Variants in RGS7 observed in about 807,000 individuals in gnomAD.
RGS7 encodes the protein regulator of G-protein signaling 7.
Under a neutral mutation model 81.1 loss-of-function variants are expected in RGS7, and 27 were observed. That is an observed-to-expected ratio of 0.33 (90% CI 0.25 to 0.46). The LOEUF (loss-of-function observed/expected upper bound fraction) is 0.46. Ranked by LOEUF, RGS7 falls within the 20% of genes least tolerant of loss-of-function variation. The pLI is 1.00. For missense variants in RGS7, 396 were observed against 607.4 expected (o/e 0.65, Z 3.66); for synonymous variants, 208 against 207.7 (o/e 1.00, Z -0.01).
chr1:241,346,845 T>C (rs931791025), intron 2 of RGS7, among the ~76,000 whole-genome samples: 1 of 152,130 alleles, frequency 6.6e-6, no homozygotes, highest in African/African-American at 2.4e-5. Flanking sequence ...ATACCAAATA[T>C]AAAATTTAGA....
intron 6 of RGS7, among the ~76,000 whole-genome samples, chr1:240,908,627 A>G (rs1316524929): frequency 6.6e-6 from 1 of 152,200 alleles, no homozygotes; most frequent in Non-Finnish European, 1.5e-5. Context: ...CCTAAGATAG[A>G]AGGCAACCCA....
chr1:240,974,677 A>G (rs1683790629), intron 4 of RGS7, among the ~76,000 whole-genome samples: 1 of 152,252 alleles, frequency 6.6e-6, no homozygotes, highest in Non-Finnish European at 1.5e-5. Context: ...AGAAAAGCCA[A>G]TGGGGGCTGA....
At chr1:240,980,036 T>C (rs966257142) in intron 4 of RGS7, among the ~76,000 whole-genome samples, 3 of 152,172 alleles carry the variant, frequency 2.0e-5, no homozygotes, top group Non-Finnish European at 2.9e-5. Context: ...ATTCCATATA[T>C]GTGTATTATA....
chr1:241,337,481 G>C lies in RGS7; in HGVS notation c.78+18218C>G, dbSNP rs550160588. ...CCTGCACAATTTTTCTTAGCATACT[G>C]TATGTTGTGCCACCAAGACACAGCA... On this transcript the variant is annotated intron_variant, in intron 2 of 18. Transcript: ENST00000440928. 3.9e-5 allele frequency among the ~76,000 whole-genome samples: 6 copies of C among 152,146 alleles called. No homozygotes were observed. In the South Asian group the frequency reaches 6.2e-4, roughly 16 times the overall value.
chr1:241,260,456 C>T (rs553088681), intron 2 of RGS7, among the ~76,000 whole-genome samples: 2 of 152,290 alleles, frequency 1.3e-5, no homozygotes, highest in African/African-American at 2.4e-5. Context: ...CAAACTGGCA[C>T]ACCTGCTTTA....
intron 2 of RGS7, among the ~76,000 whole-genome samples, chr1:241,297,959 G>A (rs577360541): frequency 2.6e-5 from 4 of 152,242 alleles, no homozygotes; most frequent in Admixed American, 6.5e-5. Flanking sequence ...CCACTAGATC[G>A]AAACTAAATA....
At chr1:241,292,472 T>C (rs772883366) in intron 2 of RGS7, among the ~76,000 whole-genome samples, 43 of 152,326 alleles carry the variant, frequency 2.8e-4, no homozygotes, top group Admixed American at 1.3e-3. Flanking sequence ...TGTAGTGTAG[T>C]GGGCTTTGGA....
intron 9 of RGS7, among the ~76,000 whole-genome samples, chr1:240,833,624 T>C (rs971489498): frequency 6.6e-6 from 1 of 152,128 alleles, no homozygotes; most frequent in African/African-American, 2.4e-5. Context: ...TTAATTCAAA[T>C]AGAAGTAAAT....
chr1:241,139,389 A>ACCAGTTG (rs1249448485), intron 2 of RGS7, among the ~76,000 whole-genome samples: 4 of 151,872 alleles, frequency 2.6e-5, no homozygotes, highest in African/African-American at 9.7e-5. Context: ...TTATCCATTT[A>ACCAGTTG]CCAGTTGTGA....
chr1:241,268,285 C>A (rs1438973677), intron 2 of RGS7, among the ~76,000 whole-genome samples: 2 of 152,200 alleles, frequency 1.3e-5, no homozygotes, highest in East Asian at 3.9e-4. Flanking sequence ...TGCATTCAGC[C>A]CTGTCTGTCT....
intron 3 of RGS7, among the ~76,000 whole-genome samples, chr1:241,008,893 C>T (rs868388747): frequency 1.9e-5 from 2 of 104,460 alleles, no homozygotes; most frequent in African/African-American, 7.4e-5. Flanking sequence ...GCCTGGGCAA[C>T]AGAGCAAGAC....
chr1:241,270,430 C>T (rs1358671754), intron 2 of RGS7, among the ~76,000 whole-genome samples: 2 of 152,204 alleles, frequency 1.3e-5, no homozygotes, highest in Non-Finnish European at 2.9e-5. Flanking sequence ...CATTTTGTTC[C>T]TTGCATTGCA....
Position 240,868,669 on chromosome 1 carries a change from C to G in RGS7, c.528-1G>C. The G allele has an allele frequency of 6.2e-7, 1 of 1,614,010 alleles. No individual in the cohort carries two copies. The highest frequency in any genetic ancestry group is 8.5e-7 in the Non-Finnish European group (1 of 1,179,894). Reference sequence around the variant, plus strand: ...AATCTTGTCTCTCTTCTTGTCCACTCTGTCAACACAGTAACAATAGATAAC... The same window carrying G: ...AATCTTGTCTCTCTTCTTGTCCACTGTGTCAACACAGTAACAATAGATAAC... On this transcript the variant is annotated splice_acceptor_variant, in intron 8 of 18. Coordinates refer to ENST00000440928, the MANE Select transcript of RGS7 (RefSeq NM_001364886.1). LOFTEE classifies it high-confidence loss of function. This position sits in a 1 kb window ranked among gnomAD's most constrained non-coding sequence, Gnocchi z 5.1.
rs114368546 is a variant in RGS7, at chr1:240,848,198, A to T, written c.609+20389T>A. 3.1e-3 allele frequency among the ~76,000 whole-genome samples: 471 copies of T among 152,288 alleles called. 2 individuals are homozygous for T. The highest frequency in any genetic ancestry group is 9.7e-3 in the African/African-American group (403 of 41,564). On this transcript the variant is annotated intron_variant, in intron 9 of 18. Coordinates refer to ENST00000440928, the MANE Select transcript of RGS7 (RefSeq NM_001364886.1). The stretch of plus-strand genomic sequence containing the variant: ...AATGGAGAAAGAGATAGGTGAATGG[A>T]GCTGCCTTCTAGTAAGCTTATGATT...
Position 241,355,791 on chromosome 1 carries a change from G to C in RGS7, c.-15C>G. On this transcript the variant is annotated 5_prime_UTR_variant, in exon 2 of 19. Coordinates refer to ENST00000440928, the MANE Select transcript of RGS7 (RefSeq NM_001364886.1). ...CCCTGGGCCATGTCACCCAAAACTT[G>C]GTCCACTCTCAAGATACAAGAATTA... 1 of 1,612,460 alleles carries C rather than the reference G, an allele frequency of 6.2e-7. No individual in the cohort carries two copies. The highest frequency in any genetic ancestry group is 8.5e-7 in the Non-Finnish European group (1 of 1,178,582).
intron 3 of RGS7, among the ~76,000 whole-genome samples, chr1:241,028,938 G>C (rs139018553): frequency 2.1e-3 from 322 of 152,242 alleles, no homozygotes; most frequent in African/African-American, 7.6e-3. Context: ...AAAAGATACT[G>C]TGTTCCTATT....
At chr1:241,356,669 G>A (rs758379651) in intron 1 of RGS7, among the ~76,000 whole-genome samples, 1 of 151,844 alleles carries the variant, frequency 6.6e-6, no homozygotes, top group East Asian at 1.9e-4. Flanking sequence ...AATGGCAGGC[G>A]AGCCTGTGCC....
intron 2 of RGS7, among the ~76,000 whole-genome samples, chr1:241,244,542 G>C (rs1158664971): frequency 6.6e-6 from 1 of 152,190 alleles, no homozygotes; most frequent in East Asian, 1.9e-4. Context: ...GTGGAAGTCA[G>C]TGTGGCGATT....
intron 4 of RGS7, among the ~76,000 whole-genome samples, chr1:240,940,982 C>A (rs1021082996): frequency 6.6e-6 from 1 of 152,130 alleles, no homozygotes; most frequent in Admixed American, 6.5e-5. Flanking sequence ...TAGTAAAATT[C>A]TCCTTCCTTT....
Sources: allele counts gnomAD v4.1 joint callset (sites outside exome capture counted in the v4.1 genomes callset), GRCh38; gene constraint gnomAD v4.1.1; non-coding constraint Gnocchi (gnomAD v3.1); transcripts MANE v1.5; gene names NCBI Gene and HGNC (gene_info 2026-07-23, HGNC 2026-07-21).